Variants in ENOPH1 observed in about 807,000 individuals in gnomAD.
ENOPH1 encodes enolase-phosphatase 1.
ENOPH1 carries 14 observed loss-of-function variants against 31.1 expected under a neutral mutation model. That is an observed-to-expected ratio of 0.45 (90% CI 0.30 to 0.70). The LOEUF (loss-of-function observed/expected upper bound fraction) is 0.70. Ranked by LOEUF, ENOPH1 falls within the 30% of genes least tolerant of loss-of-function variation. ENOPH1 has a pLI of 0.09. For missense variants in ENOPH1, 243 were observed against 321.5 expected (o/e 0.76, Z 1.87); for synonymous variants, 127 against 123.2 (o/e 1.03, Z -0.21).
At chr4:82,450,318 A>G (rs1722314860) in intron 2 of ENOPH1, among the ~76,000 whole-genome samples, 1 of 152,368 alleles carries the variant, frequency 6.6e-6, no homozygotes, top group Admixed American at 6.5e-5. Flanking sequence ...TTATAACAAA[A>G]TGATGTTGAA....
intron 1 of ENOPH1, among the ~76,000 whole-genome samples, chr4:82,447,490 A>G (rs1252810041): frequency 2.0e-5 from 3 of 152,210 alleles, no homozygotes; most frequent in Admixed American, 1.3e-4. Flanking sequence ...CCATATCCTC[A>G]AGGACCTTTG....
chr4:82,436,701 A>G (rs1390724931), intron 1 of ENOPH1, among the ~76,000 whole-genome samples: 2 of 151,572 alleles, frequency 1.3e-5, no homozygotes, highest in African/African-American at 4.9e-5. Context: ...AAAAAAAAAA[A>G]AAATGGTGGA....
rs1722598693 is a variant in ENOPH1 at position 82,459,832 on chromosome 4, C to G, written c.647-149C>G. 4.2e-6 allele frequency: 3 copies of G among 716,608 alleles called. No homozygotes were observed. The East Asian group carries it at 8.0e-5, about 19-fold the overall frequency. 44.4% of individuals were successfully genotyped at this position (716,608 alleles called of 1,614,324 possible). On this transcript the variant is annotated intron_variant, in intron 5 of 5. Transcript: ENST00000273920. ...AAAGAGATAATAATATAGTCAACCC[C>G]AGGGTGCCCATCTTTTAGCTTCAAC...
chr4:82,458,451 G>A (rs557629855), intron 5 of ENOPH1, among the ~76,000 whole-genome samples: 9 of 152,094 alleles, frequency 5.9e-5, no homozygotes, highest in Admixed American at 2.0e-4. Context: ...CGGAGGTTGG[G>A]ATGAGCCGAG....
Position 82,460,365 on chromosome 4 carries a change from C to T in ENOPH1, c.*245C>T. ...GAAATTGTTTCAAATCATACTCTAA[C>T]CCTTAGTGAGGGCAAAGTGTAGTTG... On this transcript the variant is annotated 3_prime_UTR_variant, in exon 6 of 6. Transcript: ENST00000273920. 2.9e-6 allele frequency: 1 copy of T among 346,366 alleles called. No homozygotes were observed. The highest frequency in any genetic ancestry group is 5.2e-6 in the Non-Finnish European group (1 of 192,538). The allele number at this position is 346,366 out of a possible 1,614,324, so 21.5% of individuals were successfully genotyped here.
At chr4:82,434,958 T>C (rs899125094) in intron 1 of ENOPH1, among the ~76,000 whole-genome samples, 15 of 152,012 alleles carry the variant, frequency 9.9e-5, no homozygotes, top group Non-Finnish European at 1.8e-4. Context: ...CATGTCTTTG[T>C]GTCTTGCCTG....
intron 3 of ENOPH1, among the ~76,000 whole-genome samples, chr4:82,452,781 T>C (rs1184508972): frequency 1.3e-5 from 2 of 151,930 alleles, no homozygotes; most frequent in African/African-American, 4.8e-5. Flanking sequence ...GAGACAGGGT[T>C]TTATCATGTT....
intron 1 of ENOPH1, among the ~76,000 whole-genome samples, chr4:82,431,303 A>T (rs1721751648): frequency 6.6e-6 from 1 of 152,230 alleles, no homozygotes; most frequent in Non-Finnish European, 1.5e-5. Context: ...TGGCAGCGGC[A>T]GCGATTTAAT....
At chr4:82,442,465 A>T (rs893902349) in intron 1 of ENOPH1, among the ~76,000 whole-genome samples, 2 of 152,188 alleles carry the variant, frequency 1.3e-5, no homozygotes, top group Non-Finnish European at 2.9e-5. Context: ...GGTTGCAGTG[A>T]GCTGAGATCG....
intron 1 of ENOPH1, among the ~76,000 whole-genome samples, chr4:82,446,362 C>T (rs1442144739): frequency 1.3e-5 from 2 of 151,042 alleles, no homozygotes; most frequent in Non-Finnish European, 2.9e-5. Context: ...AGGGAGGTTG[C>T]AGTGAGCCGA....
At chr4:82,449,518 A>C (rs1722291011) in intron 2 of ENOPH1, among the ~76,000 whole-genome samples, 1 of 152,082 alleles carries the variant, frequency 6.6e-6, no homozygotes, top group African/African-American at 2.4e-5. Context: ...GGAGCAAGAG[A>C]GTGGGGAGGG....
intron 3 of ENOPH1, among the ~76,000 whole-genome samples, chr4:82,453,112 A>G (rs377404151): frequency 9.2e-5 from 14 of 151,866 alleles, no homozygotes; most frequent in African/African-American, 3.4e-4. Context: ...CGTGTTAGCC[A>G]GGATGCTCTC....
chr4:82,447,008 C>T (rs889434849), intron 1 of ENOPH1, among the ~76,000 whole-genome samples: 3 of 150,464 alleles, frequency 2.0e-5, no homozygotes, highest in African/African-American at 4.9e-5. Flanking sequence ...GCCTGGCCAA[C>T]GGAATCTTAT....
chr4:82,448,897 A>T (rs1228030736), intron 2 of ENOPH1, among the ~76,000 whole-genome samples: 1 of 151,060 alleles, frequency 6.6e-6, no homozygotes, highest in African/African-American at 2.4e-5. Context: ...TCTCTACTAA[A>T]AATACAAAAA....
intron 3 of ENOPH1, 42 bp from the exon 4 acceptor site, chr4:82,454,680 A>G: frequency 6.3e-7 from 1 of 1,597,798 alleles, no homozygotes; most frequent in Middle Eastern, 1.7e-4. Context: ...ATCTGGCTAG[A>G]TGAGGTGTTC....
chr4:82,436,995 T>C (rs1036802524), intron 1 of ENOPH1, among the ~76,000 whole-genome samples: 3 of 151,874 alleles, frequency 2.0e-5, no homozygotes, highest in Non-Finnish European at 4.4e-5. Context: ...ACCCCTGTAA[T>C]CCGAACACTT....
chr4:82,435,039 C>A (rs1721872264), intron 1 of ENOPH1, among the ~76,000 whole-genome samples: 2 of 152,196 alleles, frequency 1.3e-5, no homozygotes. Context: ...CCCACCGCAT[C>A]TAAATCCACC....
intron 1 of ENOPH1, among the ~76,000 whole-genome samples, chr4:82,431,484 G>T (rs1056397415): frequency 6.6e-6 from 1 of 152,176 alleles, no homozygotes; most frequent in Non-Finnish European, 1.5e-5. Flanking sequence ...GTGGTCCATA[G>T]CGCTGATTTT....
intron 5 of ENOPH1, among the ~76,000 whole-genome samples, chr4:82,458,444 A>G (rs1560469501): frequency 6.6e-6 from 1 of 152,140 alleles, no homozygotes; most frequent in Non-Finnish European, 1.5e-5. Context: ...TGGGAGGCGG[A>G]GGTTGGGATG....
Sources: allele counts gnomAD v4.1 joint callset (sites outside exome capture counted in the v4.1 genomes callset), GRCh38; gene constraint gnomAD v4.1.1; transcripts MANE v1.5; gene names NCBI Gene and HGNC (gene_info 2026-07-23, HGNC 2026-07-21).